RBFOX3: variants seen among roughly 807,000 people sequenced by gnomAD.
RBFOX3 encodes the protein RNA binding protein fox-1 homolog 3.
In RBFOX3, 17 loss-of-function variants were observed where a neutral mutation model predicts 48.7. The ratio of observed to expected loss-of-function variants is 0.35; its 90% confidence interval spans 0.24 to 0.52. The LOEUF is 0.52. Ranked by LOEUF, RBFOX3 falls within the 20% of genes least tolerant of loss-of-function variation. The pLI is 0.94. For missense variants in RBFOX3, 382 were observed against 497.5 expected, an observed-to-expected ratio of 0.77 and a Z score of 2.21; for synonymous variants, 212 against 209.5, an observed-to-expected ratio of 1.01 and a Z score of -0.10.
chr17:79,370,595 GTC>G (rs1568127075), intron 2 of RBFOX3, among the ~76,000 whole-genome samples: 1 of 147,882 alleles, frequency 6.8e-6, no homozygotes, highest in South Asian at 2.1e-4. Context: ...ACACGTACAC[GTC>G]TCTCATACAC....
chr17:79,335,669 C>T (rs1485190881), intron 2 of RBFOX3, among the ~76,000 whole-genome samples: 1 of 152,230 alleles, frequency 6.6e-6, no homozygotes, highest in East Asian at 1.9e-4. Context: ...CCTCCAGTGA[C>T]ATCTACAACC....
the RBFOX3 span, among the ~76,000 whole-genome samples, chr17:79,632,282 C>G: frequency 6.6e-6 from 1 of 151,906 alleles, no homozygotes; most frequent in Non-Finnish European, 1.5e-5. Context: ...TAGGAGGATC[C>G]GTATACAGAT....
intron 3 of RBFOX3, among the ~76,000 whole-genome samples, chr17:79,239,535 C>G (rs1431986614): frequency 2.6e-5 from 4 of 152,218 alleles, no homozygotes; most frequent in Non-Finnish European, 5.9e-5. Flanking sequence ...AAATTGTCTC[C>G]ACACTCCCAG....
chr17:79,366,165 C>G (rs1026135856), intron 2 of RBFOX3, among the ~76,000 whole-genome samples: 15 of 152,348 alleles, frequency 9.8e-5, no homozygotes, highest in African/African-American at 3.4e-4. Flanking sequence ...GGAAAGCTAG[C>G]TGCATAGCTG....
In RBFOX3 at chr17:79,362,165, A is replaced by G. The variant is rs1024013982; in HGVS notation, c.-174-54341T>C. Among the ~76,000 whole-genome samples the G allele has an allele frequency of 6.6e-6, 1 of 152,218 alleles. No homozygotes were observed. The highest frequency in any genetic ancestry group is 1.5e-5 in the Non-Finnish European group (1 of 68,038). Reference sequence around the variant, plus strand: ...CTCCACGGGCCACGGCCAAGCGCTGAGCCAACAGAGTTTGCCTCCTGCCTC... The same window carrying G: ...CTCCACGGGCCACGGCCAAGCGCTGGGCCAACAGAGTTTGCCTCCTGCCTC... On this transcript the variant is annotated intron_variant, in intron 2 of 14. Coordinates refer to ENST00000693108, the MANE Select transcript of RBFOX3 (RefSeq NM_001350451.2). This position sits in a 1 kb window ranked among gnomAD's most constrained non-coding sequence, Gnocchi z 4.2.
At chr17:79,468,327 T>C (rs1403569906) in intron 2 of RBFOX3, among the ~76,000 whole-genome samples, 4 of 152,090 alleles carry the variant, frequency 2.6e-5, no homozygotes, top group Admixed American at 1.3e-4. Context: ...CAGATGGATA[T>C]AGAGACATAC....
intron 4 of RBFOX3, among the ~76,000 whole-genome samples, chr17:79,194,509 G>C (rs955334779): frequency 2.6e-5 from 4 of 152,144 alleles, no homozygotes; most frequent in African/African-American, 2.4e-5. Flanking sequence ...GGGAGGCTGA[G>C]GCAGGAGAAT....
At position 79,239,074 on chromosome 17, in the gene RBFOX3, ACAATTTGG is replaced by A. The variant is rs1185697423; in HGVS notation, c.-73-3277_-73-3270del. Among the ~76,000 whole-genome samples the A allele has an allele frequency of 3.9e-5, 6 of 152,184 alleles. No individual in the cohort carries two copies. The East Asian group carries it at 9.7e-4, about 24-fold the overall frequency. On this transcript the variant is annotated intron_variant, in intron 3 of 14. Coordinates refer to ENST00000693108, the MANE Select transcript of RBFOX3 (RefSeq NM_001350451.2). ...AGGTGGTCTCTGTGCAGAGCAGCCC[ACAATTTGG>A]GAGCAACCAACTCCAGTGGTGGCCT...
chr17:79,495,161 T>C (rs76815500), intron 1 of RBFOX3, among the ~76,000 whole-genome samples: 66,897 of 150,986 alleles, frequency 0.44, 15,753 homozygotes, highest in East Asian at 0.6. Context: ...TCTCCACAGG[T>C]GAGTTACCTG....
chr17:79,331,206 C>A (rs1299834567), intron 2 of RBFOX3, among the ~76,000 whole-genome samples: 2 of 152,178 alleles, frequency 1.3e-5, no homozygotes, highest in Admixed American at 1.3e-4. Flanking sequence ...GGACTTCAAG[C>A]CCTGCTGTCC....
the RBFOX3 span, among the ~76,000 whole-genome samples, chr17:79,646,608 A>G: frequency 2.6e-5 from 4 of 152,160 alleles, no homozygotes; most frequent in Admixed American, 1.3e-4. Context: ...AACTGCCCCC[A>G]TGATTTGATT....
intron 3 of RBFOX3, among the ~76,000 whole-genome samples, chr17:79,290,479 T>A (rs970301880): frequency 6.6e-6 from 1 of 152,036 alleles, no homozygotes. Context: ...GCACAGCCTA[T>A]GTGTGGCTCT....
chr17:79,628,337 T>A, the RBFOX3 span, among the ~76,000 whole-genome samples: 1 of 152,104 alleles, frequency 6.6e-6, no homozygotes, highest in East Asian at 1.9e-4. Flanking sequence ...ACCTGATCGT[T>A]TCCCCCTCGA....
chr17:79,324,429 C>G (rs950327143), intron 2 of RBFOX3, among the ~76,000 whole-genome samples: 6 of 151,780 alleles, frequency 4.0e-5, no homozygotes, highest in Non-Finnish European at 8.8e-5. Flanking sequence ...CCGAAGCAAA[C>G]TCTGTTTTCA....
intron 2 of RBFOX3, among the ~76,000 whole-genome samples, chr17:79,408,222 G>A (rs1236277703): frequency 6.6e-6 from 1 of 152,162 alleles, no homozygotes; most frequent in Non-Finnish European, 1.5e-5. Flanking sequence ...TCGATGGCTG[G>A]GTCTGCAGGG....
At chr17:79,441,992 C>CCA (rs1385573222) in intron 2 of RBFOX3, among the ~76,000 whole-genome samples, 2 of 151,910 alleles carry the variant, frequency 1.3e-5, no homozygotes, top group African/African-American at 4.8e-5. Flanking sequence ...CCCTGAGGAG[C>CCA]CACTTACTCT....
intron 2 of RBFOX3, among the ~76,000 whole-genome samples, chr17:79,330,896 G>C (rs1336163400): frequency 6.6e-6 from 1 of 152,324 alleles, no homozygotes; most frequent in African/African-American, 2.4e-5. Context: ...GACAGCCTGG[G>C]GCAGCCGTCG....
At chr17:79,380,614 G>C (rs1276017244) in intron 2 of RBFOX3, among the ~76,000 whole-genome samples, 2 of 152,210 alleles carry the variant, frequency 1.3e-5, no homozygotes, top group Non-Finnish European at 2.9e-5. Flanking sequence ...GAGAAAAATG[G>C]GTGAGGGGCA....
At chr17:79,165,870 C>T (rs1399180586) in intron 4 of RBFOX3, among the ~76,000 whole-genome samples, 1 of 152,214 alleles carries the variant, frequency 6.6e-6, no homozygotes, top group Non-Finnish European at 1.5e-5. Context: ...ATGAGACGCC[C>T]TGAGATTGTG....
Sources: allele counts gnomAD v4.1 joint callset (sites outside exome capture counted in the v4.1 genomes callset), GRCh38; gene constraint gnomAD v4.1.1; non-coding constraint Gnocchi (gnomAD v3.1); transcripts MANE v1.5; gene names NCBI Gene and HGNC (gene_info 2026-07-23, HGNC 2026-07-21).